Variants in GRB2 observed in about 807,000 individuals in gnomAD.
GRB2 encodes the protein growth factor receptor-bound protein 2.
GRB2 carries 2 observed loss-of-function variants against 27.4 expected under a neutral mutation model. The ratio of observed to expected loss-of-function variants is 0.07; its 90% CI spans 0.03 to 0.23. GRB2 has a LOEUF of 0.23. Among genes scored for constraint, GRB2 ranks in the 10% least tolerant of loss-of-function variants. GRB2 has a pLI of 1.00. For missense variants in GRB2, 102 were observed against 282.4 expected (o/e 0.36, Z 4.58); for synonymous variants, 94 against 99.6 (o/e 0.94, Z 0.33).
chr17:75,357,851 G>A (rs2078743653), intron 2 of GRB2, among the ~76,000 whole-genome samples: 1 of 152,162 alleles, frequency 6.6e-6, no homozygotes, highest in Non-Finnish European at 1.5e-5. Context: ...AATCTGGGCA[G>A]CAGAGGTTGT....
intron 2 of GRB2, among the ~76,000 whole-genome samples, chr17:75,340,506 A>G (rs2078613411): frequency 6.6e-6 from 1 of 152,242 alleles, no homozygotes; most frequent in African/African-American, 2.4e-5. Context: ...TCAAGTTCCT[A>G]GAAAAGAGAA....
At chr17:75,358,882 C>CAAA (rs71159498) in intron 2 of GRB2, among the ~76,000 whole-genome samples, 1 of 94,170 alleles carries the variant, frequency 1.1e-5, no homozygotes, top group African/African-American at 4.1e-5. Context: ...GACTCTGTCT[C>CAAA]AAAAAAAAAA....
chr17:75,398,345 T>G (rs1301100808), intron 1 of GRB2, among the ~76,000 whole-genome samples: 2 of 152,260 alleles, frequency 1.3e-5, no homozygotes, highest in East Asian at 3.9e-4. Context: ...CTTGGTTTAC[T>G]GCAACCTCCG....
intron 2 of GRB2, among the ~76,000 whole-genome samples, chr17:75,349,680 T>C (rs569055975): frequency 6.6e-6 from 1 of 151,832 alleles, no homozygotes; most frequent in Non-Finnish European, 1.5e-5. Context: ...CCACCACGCC[T>C]GGCTAATTTT....
chr17:75,327,516 G>A (rs1038287325), intron 3 of GRB2, among the ~76,000 whole-genome samples: 3 of 151,602 alleles, frequency 2.0e-5, no homozygotes, highest in Non-Finnish European at 4.4e-5. Flanking sequence ...GATTACAGGC[G>A]GCCACCACCA....
At chr17:75,377,256 G>C (rs911182716) in intron 2 of GRB2, among the ~76,000 whole-genome samples, 1 of 152,068 alleles carries the variant, frequency 6.6e-6, no homozygotes, top group African/African-American at 2.4e-5. Flanking sequence ...AGGAGTTCGA[G>C]GCTGCAATGA....
intron 3 of GRB2, among the ~76,000 whole-genome samples, chr17:75,326,732 C>T (rs1048847899): frequency 6.6e-6 from 1 of 152,194 alleles, no homozygotes; most frequent in South Asian, 2.1e-4. Flanking sequence ...TGCTGATTCA[C>T]CTTGGCCAGA....
chr17:75,394,027 G>A (rs2079015773), intron 1 of GRB2: 1 of 229,220 alleles, frequency 4.4e-6, no homozygotes, highest in South Asian at 6.4e-5. Flanking sequence ...CCCGCTGGGT[G>A]TGCACTGCGT....
At chr17:75,350,832 T>G (rs546704612) in intron 2 of GRB2, among the ~76,000 whole-genome samples, 2 of 152,142 alleles carry the variant, frequency 1.3e-5, no homozygotes, top group East Asian at 3.9e-4. Flanking sequence ...TCAGTGTAAG[T>G]AGGCTGTAGT....
chr17:75,331,007 CACAAACAA>C (rs61764607), intron 3 of GRB2, among the ~76,000 whole-genome samples: 2 of 151,998 alleles, frequency 1.3e-5, no homozygotes, highest in East Asian at 1.9e-4. Flanking sequence ...TCCCCACCCC[CACAAACAA>C]ACAAACAAAC....
chr17:75,325,990 C>T lies in GRB2; in HGVS notation c.207G>A (p.Lys69=), dbSNP rs1208398404. The T allele has an allele frequency of 3.1e-6, 5 of 1,614,028 alleles. No individual in the cohort carries two copies. Among genetic ancestry groups the T allele is most frequent in the Non-Finnish European group, 4.2e-6 (5 of 1,180,028 alleles). ...GCTGTTTGCTAAGCATTTCTTCTGC[C>T]TTGGCTCTGGGGATTTTGCCAAAAA... ...PWFFGKIPRA[K]AEEMLSKQRH... is the part of the protein sequence containing the mutation. The change falls in exon 4 of 6, where the codon AAG becomes AAA. Residue 69 remains lysine, a synonymous_variant. Transcript: ENST00000316804.
At chr17:75,394,888 T>C (rs2079020644) in intron 1 of GRB2, 1 of 152,166 alleles carries the variant, frequency 6.6e-6, no homozygotes, top group African/African-American at 2.4e-5. Flanking sequence ...ATGAACGGTG[T>C]AGTGAAGCGT....
intron 1 of GRB2, among the ~76,000 whole-genome samples, chr17:75,395,426 G>A (rs1011451682): frequency 2.6e-5 from 4 of 152,256 alleles, no homozygotes; most frequent in Admixed American, 6.5e-5. Flanking sequence ...TTATACTTGT[G>A]TATCCTTAAA....
Position 75,322,611 on chromosome 17 carries a change from T to C in GRB2, c.300-784A>G, listed in dbSNP as rs537318475. Among the ~76,000 whole-genome samples the C allele has an allele frequency of 2.0e-5, 3 of 152,262 alleles. 1 individual carries two copies. The highest frequency in any genetic ancestry group is 7.2e-5 in the African/African-American group (3 of 41,548). On this transcript the variant is annotated intron_variant, in intron 4 of 5. Coordinates refer to ENST00000316804, the MANE Select transcript of GRB2 (RefSeq NM_002086.5). ...GCTCCACTCATGGGGAAAAGGTCTCTGAACAAAAGGACGTACTGGGACAAT... is the reference window on the plus strand; with the variant it reads ...GCTCCACTCATGGGGAAAAGGTCTCCGAACAAAAGGACGTACTGGGACAAT...
At chr17:75,353,622 T>C (rs1180325631) in intron 2 of GRB2, among the ~76,000 whole-genome samples, 2 of 151,204 alleles carry the variant, frequency 1.3e-5, no homozygotes, top group Non-Finnish European at 2.9e-5. Context: ...TCGCCAGGTG[T>C]GGTGGCACAT....
intron 2 of GRB2, among the ~76,000 whole-genome samples, chr17:75,364,250 C>T (rs2078805092): frequency 4.6e-5 from 7 of 152,172 alleles, no homozygotes; most frequent in Admixed American, 4.6e-4. Context: ...CAGCCCATAT[C>T]CTTCACAGTA....
At chr17:75,360,587 C>T (rs2078773558) in intron 2 of GRB2, among the ~76,000 whole-genome samples, 1 of 152,184 alleles carries the variant, frequency 6.6e-6, no homozygotes, top group South Asian at 2.1e-4. Flanking sequence ...ACCATCATTA[C>T]CACTTGTGTC....
At position 75,371,596 on chromosome 17, in the gene GRB2, G is replaced by C. The variant is rs566715270; in HGVS notation, c.78+21955C>G. ...TGGCAAGAGGTACACAATGGTGCTC[G>C]GGGCAGCAAAGGGGAACCCGAGGGA... On this transcript the variant is annotated intron_variant, in intron 2 of 5. Coordinates refer to ENST00000316804, the MANE Select transcript of GRB2 (RefSeq NM_002086.5). 3 of 152,126 alleles carry C rather than the reference G, an allele frequency of 2.0e-5. No individual in the cohort carries two copies. The East Asian group carries it at 5.8e-4, about 29-fold the overall frequency. The allele number at this position is 152,126 out of a possible 1,614,324, so 9.4% of individuals were successfully genotyped here. A position where few individuals can be genotyped will look rare whatever the true frequency, so the allele number is the denominator to read the frequency against.
At chr17:75,322,460 C>A (rs1037619176) in intron 4 of GRB2, among the ~76,000 whole-genome samples, 2 of 151,828 alleles carry the variant, frequency 1.3e-5, no homozygotes, top group South Asian at 4.2e-4. Flanking sequence ...GACTTAACAT[C>A]CTTTGAATAA....
Sources: gnomAD v4.1 joint callset for allele counts (sites outside exome capture counted in the v4.1 genomes callset) on GRCh38, gnomAD v4.1.1 for gene constraint, MANE v1.5 for transcripts, NCBI Gene and HGNC (gene_info 2026-07-23, HGNC 2026-07-21) for gene names.